ATP8B4: variants seen among roughly 807,000 people sequenced by gnomAD.
The protein encoded by ATP8B4 is ATPase phospholipid transporting 8B4 (putative), also known as probable phospholipid-transporting ATPase IM.
Under a neutral mutation model 145.6 loss-of-function variants are expected in ATP8B4, and 133 were observed. That is an observed-to-expected ratio of 0.91 (90% CI 0.79 to 1.05). ATP8B4 has a LOEUF of 1.05. Ranked by LOEUF, ATP8B4 falls within the 50% of genes least tolerant of loss-of-function variation. The pLI, the probability that ATP8B4 is intolerant of heterozygous loss-of-function variation, is 0.00. For synonymous variants in ATP8B4, 507 were observed against 492.9 expected, an observed-to-expected ratio of 1.03 and a Z score of -0.38; for missense variants, 1,458 against 1,425.2, an observed-to-expected ratio of 1.02 and a Z score of -0.37.
intron 21 of ATP8B4, among the ~76,000 whole-genome samples, chr15:49,900,497 T>C (rs1157300744): frequency 1.3e-5 from 2 of 152,218 alleles, no homozygotes; most frequent in East Asian, 3.8e-4. Flanking sequence ...CAGAAGAGTA[T>C]TTTCATGTTT....
intron 1 of ATP8B4, among the ~76,000 whole-genome samples, chr15:50,173,171 G>A (rs1168367601): frequency 8.6e-5 from 13 of 151,512 alleles, no homozygotes; most frequent in Non-Finnish European, 1.0e-4. Context: ...CCCTCTGCCC[G>A]GCCGCCACCC....
chr15:49,950,611 C>A (rs1011687925), intron 14 of ATP8B4, among the ~76,000 whole-genome samples: 34,342 of 105,624 alleles, frequency 0.33, 6,007 homozygotes, highest in Non-Finnish European at 0.4. Flanking sequence ...AACAAACAAA[C>A]AAACAAACAA....
At chr15:49,997,277 GA>G (rs1020625249) in intron 8 of ATP8B4, among the ~76,000 whole-genome samples, 5 of 152,044 alleles carry the variant, frequency 3.3e-5, no homozygotes, top group African/African-American at 1.2e-4. Flanking sequence ...AGACAACCTA[GA>G]CAAGCTCAGC....
chr15:50,176,574 C>T (rs971555767), intron 1 of ATP8B4, among the ~76,000 whole-genome samples: 1 of 151,338 alleles, frequency 6.6e-6, no homozygotes, highest in Non-Finnish European at 1.5e-5. Flanking sequence ...ATAATAAAAT[C>T]CAAAAAAGAG....
chr15:49,864,304 C>A (rs2032398893), intron 26 of ATP8B4, among the ~76,000 whole-genome samples: 1 of 152,152 alleles, frequency 6.6e-6, no homozygotes, highest in Admixed American at 6.5e-5. Flanking sequence ...GGATTTGTAA[C>A]CTTACTAACC....
intron 26 of ATP8B4, among the ~76,000 whole-genome samples, chr15:49,863,004 C>T (rs995503320): frequency 1.4e-4 from 21 of 152,136 alleles, no homozygotes; most frequent in Admixed American, 9.2e-4. Context: ...TACCCTTTAC[C>T]CTTGTGGACT....
chr15:49,909,722 CAAAAA>C (rs995336781), intron 20 of ATP8B4, among the ~76,000 whole-genome samples: 1 of 72,026 alleles, frequency 1.4e-5, no homozygotes, highest in Admixed American at 1.6e-4. Flanking sequence ...CTTTGTTTAC[CAAAAA>C]AAAAAAAAAA....
At chr15:50,180,693 G>A (rs1380573482) in intron 1 of ATP8B4, among the ~76,000 whole-genome samples, 1 of 152,016 alleles carries the variant, frequency 6.6e-6, no homozygotes, top group East Asian at 1.9e-4. Context: ...GGTTTCTGTC[G>A]GGCCCTCACT....
intron 1 of ATP8B4, among the ~76,000 whole-genome samples, chr15:50,167,063 T>C (rs2044606681): frequency 6.6e-6 from 1 of 152,220 alleles, no homozygotes; most frequent in Non-Finnish European, 1.5e-5. Context: ...ATTCTCACTG[T>C]TTCAGTGAAA....
chr15:50,044,448 TA>T, intron 5 of ATP8B4, 145 bp downstream of exon 5: 1 of 524,518 alleles, frequency 1.9e-6, no homozygotes, highest in Non-Finnish European at 3.3e-6. Context: ...GCACCTGTAT[TA>T]ATCATCAAAC....
intron 1 of ATP8B4, among the ~76,000 whole-genome samples, chr15:50,128,122 A>G (rs951673515): frequency 6.6e-6 from 1 of 152,212 alleles, no homozygotes; most frequent in African/African-American, 2.4e-5. Flanking sequence ...GAAGGAATTA[A>G]TATCACCCCA....
At chr15:49,896,991 A>T (rs916008656) in intron 23 of ATP8B4, 2 of 290,252 alleles carry the variant, frequency 6.9e-6, no homozygotes, top group Non-Finnish European at 1.3e-5. Context: ...ACTCTACAAC[A>T]AGCTTACCTG....
intron 3 of ATP8B4, among the ~76,000 whole-genome samples, chr15:50,050,174 C>G (rs543464278): frequency 6.6e-6 from 1 of 152,176 alleles, no homozygotes; most frequent in African/African-American, 2.4e-5. Context: ...CTTTTGGGTC[C>G]ATCCCAGCTT....
At chr15:50,099,943 G>A (rs764233140) in intron 2 of ATP8B4, among the ~76,000 whole-genome samples, 2 of 150,214 alleles carry the variant, frequency 1.3e-5, no homozygotes, top group African/African-American at 4.9e-5. Flanking sequence ...GCTGAGGCAG[G>A]AGAATTGCTT....
At chr15:49,886,342 T>C (rs1436453691) in intron 23 of ATP8B4, among the ~76,000 whole-genome samples, 1 of 151,876 alleles carries the variant, frequency 6.6e-6, no homozygotes, top group African/African-American at 2.4e-5. Context: ...ATGAGGTAAA[T>C]GCCACGACAG....
chr15:49,929,879 C>T (rs1465822449), intron 16 of ATP8B4, among the ~76,000 whole-genome samples: 1 of 151,914 alleles, frequency 6.6e-6, no homozygotes, highest in Non-Finnish European at 1.5e-5. Context: ...TTAATGGAAA[C>T]CTCTGAGAAA....
chr15:49,952,949 AAT>A (rs1381514425), intron 14 of ATP8B4, among the ~76,000 whole-genome samples: 1 of 151,658 alleles, frequency 6.6e-6, no homozygotes, highest in Non-Finnish European at 1.5e-5. Context: ...TTTTTCTTTC[AAT>A]AGTCAGGTTC....
intron 1 of ATP8B4, among the ~76,000 whole-genome samples, chr15:50,110,823 A>C (rs1031118803): frequency 6.6e-6 from 1 of 152,258 alleles, no homozygotes; most frequent in Non-Finnish European, 1.5e-5. Flanking sequence ...GAATGTAGCA[A>C]ATAATAGCTA....
chr15:50,178,370 C>T (rs933591402), intron 1 of ATP8B4, among the ~76,000 whole-genome samples: 16 of 152,192 alleles, frequency 1.1e-4, no homozygotes, highest in African/African-American at 3.9e-4. Flanking sequence ...GGCTCTATTT[C>T]ATATTTCCCT....
Sources: allele counts gnomAD v4.1 joint callset (sites outside exome capture counted in the v4.1 genomes callset), GRCh38; gene constraint gnomAD v4.1.1; transcripts MANE v1.5; gene names NCBI Gene and HGNC (gene_info 2026-07-23, HGNC 2026-07-21).